The following CNOT2 variants were observed in gnomAD, a reference collection of about 807,000 sequenced individuals.
The protein encoded by CNOT2 is CC chemokine receptor 4-negative regulator of transcription 2.
In CNOT2, 7 loss-of-function variants were observed where a neutral mutation model predicts 72.1. The observed-to-expected ratio is 0.10, with a 90% CI of 0.06 to 0.18. The LOEUF (loss-of-function observed/expected upper bound fraction) is 0.18, where lower values mean the gene tolerates loss of function less well. Ranked by LOEUF, CNOT2 falls within the 10% of genes least tolerant of loss-of-function variation. The pLI is 1.00. For missense variants in CNOT2, 345 were observed against 660.3 expected (o/e 0.52, Z 5.23); for synonymous variants, 196 against 225.6 (o/e 0.87, Z 1.17).
intron 3 of CNOT2, among the ~76,000 whole-genome samples, chr12:70,316,549 A>C (rs1565804762): frequency 6.6e-6 from 1 of 152,170 alleles, no homozygotes; most frequent in Non-Finnish European, 1.5e-5. Flanking sequence ...TAATTTTAAG[A>C]TATGTCTGTA....
chr12:70,270,040 A>G (rs77527481), intron 1 of CNOT2, among the ~76,000 whole-genome samples: 14,585 of 152,144 alleles, frequency 0.096, 896 homozygotes, highest in Middle Eastern at 0.19. Flanking sequence ...ATAGAGAACA[A>G]TTGGCAAACA....
intron 1 of CNOT2, among the ~76,000 whole-genome samples, chr12:70,265,247 C>CT (rs1958965254): frequency 7.0e-6 from 1 of 143,878 alleles, no homozygotes; most frequent in Non-Finnish European, 1.6e-5. Flanking sequence ...ACTAGTAAAA[C>CT]TACCAAACCT....
At chr12:70,332,020 G>A (rs1880028670) in intron 6 of CNOT2, among the ~76,000 whole-genome samples, 1 of 151,104 alleles carries the variant, frequency 6.6e-6, no homozygotes, top group African/African-American at 2.4e-5. Context: ...AGGGAGGGAG[G>A]CAACTGTAAC....
intron 15 of CNOT2, among the ~76,000 whole-genome samples, chr12:70,352,655 T>C (rs1338804694): frequency 6.6e-6 from 1 of 152,172 alleles, no homozygotes; most frequent in Non-Finnish European, 1.5e-5. Flanking sequence ...ATTCTTTAAG[T>C]TGGATTATGC....
intron 1 of CNOT2, among the ~76,000 whole-genome samples, chr12:70,247,252 C>T (rs1252212025): frequency 6.6e-6 from 1 of 151,924 alleles, no homozygotes; most frequent in Non-Finnish European, 1.5e-5. Context: ...ACCACCTCCG[C>T]CTCCCGGGTT....
chr12:70,327,211 AAAAGT>A (rs147358981), intron 4 of CNOT2, among the ~76,000 whole-genome samples: 9,293 of 151,836 alleles, frequency 0.061, 435 homozygotes, highest in East Asian at 0.16. Flanking sequence ...AGAGAGGGTG[AAAAGT>A]AAAGGAAAAG....
intron 4 of CNOT2, among the ~76,000 whole-genome samples, chr12:70,320,963 G>A (rs1878201930): frequency 6.6e-6 from 1 of 151,762 alleles, no homozygotes; most frequent in Non-Finnish European, 1.5e-5. Context: ...TATATCATTG[G>A]TATGACAGAC....
chr12:70,346,389 C>G, intron 15 of CNOT2, 65 bp downstream of exon 15: 1 of 1,380,840 alleles, frequency 7.2e-7, no homozygotes, highest in South Asian at 1.2e-5. Flanking sequence ...CCTCTTTTAT[C>G]TGTTTATAAG....
In CNOT2 at chr12:70,268,630, T is replaced by TAA. The variant is rs1393695503; in HGVS notation, c.-95-9502_-95-9501insAA. On this transcript the variant is annotated intron_variant, in intron 1 of 15. Coordinates refer to ENST00000229195, the MANE Select transcript of CNOT2 (RefSeq NM_014515.7). ...ACGCTCAGCTTATTTAAAAAAAATTTTTTTTTTTTTGGTAGTGATGGGGTC... is the reference window on the plus strand; with the variant it reads ...ACGCTCAGCTTATTTAAAAAAAATTTAATTTTTTTTTTGGTAGTGATGGGGTC... 2.1e-5 allele frequency among the ~76,000 whole-genome samples: 3 copies of TAA among 146,274 alleles called. No individual in the cohort carries two copies. In the Admixed American group the frequency reaches 2.1e-4, roughly 10 times the overall value.
At chr12:70,350,066 T>C (rs1882689741) in intron 15 of CNOT2, among the ~76,000 whole-genome samples, 1 of 152,124 alleles carries the variant, frequency 6.6e-6, no homozygotes, top group Non-Finnish European at 1.5e-5. Flanking sequence ...TCATTAACTT[T>C]TTAGCAGGCC....
intron 15 of CNOT2, among the ~76,000 whole-genome samples, chr12:70,347,267 C>T (rs1882296396): frequency 6.6e-6 from 1 of 151,936 alleles, no homozygotes; most frequent in South Asian, 2.1e-4. Flanking sequence ...AAAGGTAAAA[C>T]ATTTTAAGAA....
At chr12:70,346,476 TAGA>T in intron 15 of CNOT2, 152 bp downstream of exon 15, 3 of 544,342 alleles carry the variant, frequency 5.5e-6, no homozygotes, top group Non-Finnish European at 9.4e-6. Flanking sequence ...TTGACACTCT[TAGA>T]AGAGTGTCCC....
chr12:70,300,679 C>T (rs1039675031), intron 2 of CNOT2, among the ~76,000 whole-genome samples: 20 of 152,100 alleles, frequency 1.3e-4, no homozygotes, highest in African/African-American at 4.6e-4. Flanking sequence ...GTTCTTTTGG[C>T]TTAGGATTGA....
intron 11 of CNOT2, among the ~76,000 whole-genome samples, chr12:70,340,247 C>T (rs377439706): frequency 3.9e-5 from 6 of 152,268 alleles, no homozygotes; most frequent in African/African-American, 9.6e-5. Flanking sequence ...GGAACTCTTG[C>T]TCCTTGATAC....
chr12:70,346,845 AT>A (rs1177476033), intron 15 of CNOT2, among the ~76,000 whole-genome samples: 1 of 152,082 alleles, frequency 6.6e-6, no homozygotes, highest in East Asian at 1.9e-4. Flanking sequence ...AGAAATGTTG[AT>A]TATTTTATTT....
intron 2 of CNOT2, among the ~76,000 whole-genome samples, chr12:70,288,500 C>T (rs1871309046): frequency 6.6e-6 from 1 of 152,092 alleles, no homozygotes; most frequent in Non-Finnish European, 1.5e-5. Context: ...TTTTAAATAG[C>T]TTCTCCTTTA....
At chr12:70,323,381 T>C (rs1220277470) in intron 4 of CNOT2, 3 of 151,708 alleles carry the variant, frequency 2.0e-5, no homozygotes, top group African/African-American at 7.3e-5. Flanking sequence ...TATAATCTAG[T>C]AGGATAAGTA....
At chr12:70,247,203 C>G (rs998284514) in intron 1 of CNOT2, among the ~76,000 whole-genome samples, 1 of 151,180 alleles carries the variant, frequency 6.6e-6, no homozygotes, top group South Asian at 2.1e-4. Flanking sequence ...TTTTGCTCGT[C>G]GCTGAGGCTG....
chr12:70,294,821 A>G (rs1317314522), intron 2 of CNOT2, among the ~76,000 whole-genome samples: 1 of 152,206 alleles, frequency 6.6e-6, no homozygotes, highest in Non-Finnish European at 1.5e-5. Context: ...TCTTGACAGG[A>G]GGACTGGAAC....
Sources: allele counts gnomAD v4.1 joint callset (sites outside exome capture counted in the v4.1 genomes callset), GRCh38; gene constraint gnomAD v4.1.1; transcripts MANE v1.5; gene names NCBI Gene and HGNC (gene_info 2026-07-23, HGNC 2026-07-21).